MAML3: variants seen among roughly 807,000 people sequenced by gnomAD.
MAML3 encodes the protein mastermind like transcriptional coactivator 3.
Under a neutral mutation model 101.9 loss-of-function variants are expected in MAML3, and 27 were observed. The observed-to-expected ratio is 0.27, with a 90% CI of 0.20 to 0.37. The LOEUF (loss-of-function observed/expected upper bound fraction) is 0.37. MAML3 is among the 10% of genes least tolerant of loss of function. The pLI is 1.00. For synonymous variants in MAML3, 501 were observed against 555.9 expected (o/e 0.90, Z 1.39); for missense variants, 1,316 against 1,444.9 (o/e 0.91, Z 1.45).
At chr4:139,892,055 C>T (rs957583766) in intron 1 of MAML3, among the ~76,000 whole-genome samples, 9 of 152,224 alleles carry the variant, frequency 5.9e-5, no homozygotes, top group African/African-American at 2.2e-4. Context: ...CTTCAACTAT[C>T]TTCTCTAGGC....
chr4:139,817,014 C>T (rs1162270048), intron 2 of MAML3, among the ~76,000 whole-genome samples: 2 of 152,096 alleles, frequency 1.3e-5, no homozygotes, highest in African/African-American at 2.4e-5. Context: ...TCTAGTTTGT[C>T]GCCTGTGTAC....
intron 1 of MAML3, among the ~76,000 whole-genome samples, chr4:140,081,458 CT>C (rs1727861035): frequency 6.6e-6 from 1 of 152,118 alleles, no homozygotes; most frequent in African/African-American, 2.4e-5. Flanking sequence ...TTTTTAGGTA[CT>C]TCCTTGGTTA....
At chr4:139,863,150 CAAAAAAA>C (rs34108210) in intron 2 of MAML3, among the ~76,000 whole-genome samples, 47 of 114,134 alleles carry the variant, frequency 4.1e-4, no homozygotes, top group Non-Finnish European at 6.0e-4. Flanking sequence ...ACTCTGTCTC[CAAAAAAA>C]AAAAAAAAAA....
At chr4:139,893,574 T>C (rs1156431884) in intron 1 of MAML3, among the ~76,000 whole-genome samples, 1 of 152,166 alleles carries the variant, frequency 6.6e-6, no homozygotes, top group South Asian at 2.1e-4. Flanking sequence ...AATCATTCTA[T>C]TGTCTAATTC....
At chr4:140,117,793 C>G (rs1323002875) in intron 1 of MAML3, among the ~76,000 whole-genome samples, 1 of 151,832 alleles carries the variant, frequency 6.6e-6, no homozygotes, top group Non-Finnish European at 1.5e-5. Context: ...ATAGGTATAT[C>G]CTTAATAAAA....
In MAML3 at chr4:139,927,415, T is replaced by C. The variant is rs140668670; in HGVS notation, c.469-36448A>G. Among the ~76,000 whole-genome samples the C allele has an allele frequency of 7.0e-4, 107 of 152,344 alleles. No homozygotes were observed. The East Asian group carries it at 0.018, about 25-fold the overall frequency. ...ACTGTAAAGTTACTTAATTTTTCCCTTGGTAGCAAATAAGCATTTTAAGTG... is the reference window on the plus strand; with the variant it reads ...ACTGTAAAGTTACTTAATTTTTCCCCTGGTAGCAAATAAGCATTTTAAGTG... On this transcript the variant is annotated intron_variant, in intron 1 of 4. Transcript: ENST00000509479.
At chr4:139,758,637 G>A (rs530630434) in intron 2 of MAML3, among the ~76,000 whole-genome samples, 5 of 152,228 alleles carry the variant, frequency 3.3e-5, no homozygotes, top group African/African-American at 1.2e-4. Context: ...GAGTATGCTC[G>A]GTACGTTATC....
intron 1 of MAML3, among the ~76,000 whole-genome samples, chr4:139,980,466 C>T (rs1306150066): frequency 6.6e-6 from 1 of 152,190 alleles, no homozygotes; most frequent in Non-Finnish European, 1.5e-5. Context: ...TAGACCCAGG[C>T]TGATTTACTT....
intron 1 of MAML3, among the ~76,000 whole-genome samples, chr4:140,092,755 T>G (rs1306572300): frequency 1.3e-5 from 2 of 152,132 alleles, no homozygotes; most frequent in Non-Finnish European, 2.9e-5. Context: ...TGTGGGAGCT[T>G]GGAAGGTATT....
At chr4:140,054,742 C>T (rs1210757582) in intron 1 of MAML3, among the ~76,000 whole-genome samples, 1 of 152,180 alleles carries the variant, frequency 6.6e-6, no homozygotes, top group Non-Finnish European at 1.5e-5. Flanking sequence ...AGTATATCAG[C>T]TCCCCACAGG....
intron 1 of MAML3, among the ~76,000 whole-genome samples, chr4:139,975,369 C>A (rs920134974): frequency 2.6e-5 from 4 of 152,106 alleles, no homozygotes; most frequent in African/African-American, 4.8e-5. Flanking sequence ...TTCAGTGAAG[C>A]CTTCCCTATC....
chr4:139,792,748 C>CTTT (rs397975047), intron 2 of MAML3, among the ~76,000 whole-genome samples: 1 of 142,604 alleles, frequency 7.0e-6, no homozygotes, highest in Non-Finnish European at 1.5e-5. Context: ...TTCTTTCTTT[C>CTTT]TTTTTTTTTT....
chr4:139,984,809 TCTC>T (rs1560857102), intron 1 of MAML3, among the ~76,000 whole-genome samples: 1 of 152,176 alleles, frequency 6.6e-6, no homozygotes, highest in Non-Finnish European at 1.5e-5. Context: ...CCCTGGGTAA[TCTC>T]CTTTATTTCA....
At chr4:139,986,764 C>T (rs1293586643) in intron 1 of MAML3, among the ~76,000 whole-genome samples, 1 of 152,144 alleles carries the variant, frequency 6.6e-6, no homozygotes, top group Admixed American at 6.5e-5. Context: ...AAGCCAGTGG[C>T]TCTGGTTAAC....
chr4:140,137,415 A>G lies in MAML3; in HGVS notation c.468+15445T>C, dbSNP rs1474172010. ...TTTTAACATTGAAAATTTTCTTTCT[A>G]GATAATTTTCCTCAAGCCCAGTAAT... On this transcript the variant is annotated intron_variant, in intron 1 of 4. Transcript: ENST00000509479. 3.3e-5 allele frequency among the ~76,000 whole-genome samples: 5 copies of G among 152,212 alleles called. No individual in the cohort carries two copies. In the South Asian group the frequency reaches 1.0e-3, roughly 32 times the overall value.
At chr4:140,067,390 T>G (rs1034831499) in intron 1 of MAML3, among the ~76,000 whole-genome samples, 1 of 152,188 alleles carries the variant, frequency 6.6e-6, no homozygotes, top group African/African-American at 2.4e-5. Flanking sequence ...TCTAGAGAAG[T>G]GCTTGGGATA....
chr4:139,878,400 C>T lies in MAML3; in HGVS notation c.2079+10957G>A, dbSNP rs1412356965. Among the ~76,000 whole-genome samples the T allele has an allele frequency of 2.0e-5, 3 of 152,194 alleles. No homozygotes were observed. The East Asian group carries it at 5.8e-4, about 29-fold the overall frequency. ...CCCTTATCTCCCTGACCAGACTGCA[C>T]ATTGCTGGACACTCTAGGTTACACT... is the stretch of plus-strand genomic sequence containing the variant. On this transcript the variant is annotated intron_variant, in intron 2 of 4. Coordinates refer to ENST00000509479, the MANE Select transcript of MAML3 (RefSeq NM_018717.5).
At chr4:139,976,245 T>G (rs1048948288) in intron 1 of MAML3, among the ~76,000 whole-genome samples, 1 of 152,194 alleles carries the variant, frequency 6.6e-6, no homozygotes, top group African/African-American at 2.4e-5. Flanking sequence ...TTCTTCTGGT[T>G]TTTTTTCTTT....
At chr4:139,945,695 G>T (rs922406845) in intron 1 of MAML3, among the ~76,000 whole-genome samples, 13 of 152,332 alleles carry the variant, frequency 8.5e-5, no homozygotes, top group Admixed American at 7.8e-4. Context: ...TAATAAATTT[G>T]TCCAATGTGT....
Sources: gnomAD v4.1 joint callset for allele counts (sites outside exome capture counted in the v4.1 genomes callset) on GRCh38, gnomAD v4.1.1 for gene constraint, MANE v1.5 for transcripts, NCBI Gene and HGNC (gene_info 2026-07-23, HGNC 2026-07-21) for gene names.